The following MOSMO variants were observed in gnomAD, a reference collection of about 807,000 sequenced individuals.
MOSMO encodes modulator of smoothened protein.
A neutral mutation model predicts 18.4 loss-of-function variants in MOSMO; 5 were observed. That is an observed-to-expected ratio of 0.27 (90% CI 0.14 to 0.57). MOSMO has a LOEUF of 0.57. Ranked by LOEUF, MOSMO falls within the 20% of genes least tolerant of loss-of-function variation. The pLI, the probability that MOSMO is intolerant of heterozygous loss-of-function variation, is 0.92. For synonymous variants in MOSMO, 82 were observed against 82.3 expected, an observed-to-expected ratio of 1.00 and a Z score of 0.02; for missense variants, 138 against 211.8, an observed-to-expected ratio of 0.65 and a Z score of 2.16.
intron 1 of MOSMO, among the ~76,000 whole-genome samples, chr16:22,047,851 C>A (rs1178887482): frequency 6.6e-6 from 1 of 152,028 alleles, no homozygotes; most frequent in Non-Finnish European, 1.5e-5. Flanking sequence ...AGAGCTCAGA[C>A]TGATTTACAT....
intron 1 of MOSMO, among the ~76,000 whole-genome samples, chr16:22,062,904 G>A (rs1009268882): frequency 2.0e-5 from 3 of 152,166 alleles, no homozygotes; most frequent in African/African-American, 7.2e-5. Context: ...CCAGGCTGGG[G>A]TGCCATGACG....
At chr16:22,052,893 C>T (rs905677512) in intron 1 of MOSMO, among the ~76,000 whole-genome samples, 2 of 150,194 alleles carry the variant, frequency 1.3e-5, no homozygotes, top group South Asian at 2.1e-4. Context: ...GGAGAGAAAA[C>T]GAGATTAGAG....
chr16:22,062,647 G>A (rs907935096), intron 1 of MOSMO, among the ~76,000 whole-genome samples: 1 of 152,100 alleles, frequency 6.6e-6, no homozygotes, highest in South Asian at 2.1e-4. Context: ...AAAGTATATC[G>A]ACATAGCAAC....
intron 1 of MOSMO, among the ~76,000 whole-genome samples, chr16:22,009,936 A>G (rs2141974824): frequency 6.6e-6 from 1 of 150,864 alleles, no homozygotes; most frequent in East Asian, 2.0e-4. Context: ...GGTTGCAGTG[A>G]GCTGAGATTG....
downstream of MOSMO, among the ~76,000 whole-genome samples, chr16:22,088,374 A>G (rs1954667622): frequency 6.6e-6 from 1 of 152,152 alleles, no homozygotes; most frequent in Non-Finnish European, 1.5e-5. Flanking sequence ...GAGCTTCCTC[A>G]TTTTAAATGC....
chr16:22,080,305 A>G (rs1490767123), intron 2 of MOSMO, among the ~76,000 whole-genome samples: 1 of 152,098 alleles, frequency 6.6e-6, no homozygotes. Flanking sequence ...CCCCATTTTC[A>G]GAAGGGAACC....
chr16:22,032,195 T>C (rs1178219825), intron 1 of MOSMO, among the ~76,000 whole-genome samples: 1 of 150,564 alleles, frequency 6.6e-6, no homozygotes, highest in South Asian at 2.1e-4. Flanking sequence ...TTTCTTTTTT[T>C]TTTTTTTTTT....
intron 1 of MOSMO, among the ~76,000 whole-genome samples, chr16:22,060,496 T>C (rs2141758416): frequency 6.6e-6 from 1 of 152,350 alleles, no homozygotes; most frequent in African/African-American, 2.4e-5. Flanking sequence ...TTAGAATGGC[T>C]AAAACTAGAA....
chr16:22,072,539 C>T (rs1045897180), intron 1 of MOSMO, among the ~76,000 whole-genome samples: 1 of 152,168 alleles, frequency 6.6e-6, no homozygotes, highest in Non-Finnish European at 1.5e-5. Context: ...TGGCTGGGTG[C>T]GGTGGCTCAC....
intron 1 of MOSMO, among the ~76,000 whole-genome samples, chr16:22,009,913 C>T (rs1899488076): frequency 6.6e-6 from 1 of 150,582 alleles, no homozygotes. Flanking sequence ...ATCGCTTGAA[C>T]CCGGGAGGCA....
downstream of MOSMO, chr16:22,092,508 C>G: frequency 8.3e-7 from 1 of 1,199,458 alleles, no homozygotes; most frequent in Non-Finnish European, 1.2e-6. Context: ...TGGAGACCAG[C>G]TAACACATTC....
At chr16:22,010,633 G>A (rs558191417) in intron 1 of MOSMO, among the ~76,000 whole-genome samples, 1 of 152,218 alleles carries the variant, frequency 6.6e-6, no homozygotes, top group African/African-American at 2.4e-5. Context: ...ATGGAAAAGG[G>A]CATAGCCGGG....
At chr16:22,084,736 A>T (rs1255243067), downstream of MOSMO, 1 of 152,126 alleles carries the variant, frequency 6.6e-6, no homozygotes, top group East Asian at 1.9e-4. Flanking sequence ...TGCCACTTCC[A>T]TGCCTCTTGG....
At chr16:22,030,532 A>C (rs1899972262) in intron 1 of MOSMO, among the ~76,000 whole-genome samples, 1 of 152,112 alleles carries the variant, frequency 6.6e-6, no homozygotes, top group Non-Finnish European at 1.5e-5. Flanking sequence ...ACTCATTTTT[A>C]ACTATTCCTC....
rs749353520 is a variant in MOSMO at position 22,075,615 on chromosome 16, T to C, written c.235T>C (p.Leu79=). The change falls in exon 2 of 3, where the codon TTG becomes CTG. Residue 79 remains leucine, a synonymous_variant. Coordinates refer to ENST00000542527, the MANE Select transcript of MOSMO (RefSeq NM_001164579.2). Reference sequence around the variant, plus strand: ...TTTTATCATCATGGGAATCATTTCATTGACTGTCACATGTGGTTTGCTGGT... The same window carrying C: ...TTTTATCATCATGGGAATCATTTCACTGACTGTCACATGTGGTTTGCTGGT... ...LFFIIMGIIS[L]TVTCGLLVAS... 2.3e-5 allele frequency: 36 copies of C among 1,537,268 alleles called. No homozygotes were observed. Among genetic ancestry groups the C allele is most frequent in the Non-Finnish European group, 3.1e-5 (36 of 1,146,932 alleles).
chr16:22,037,094 G>T (rs1296587934), intron 1 of MOSMO, among the ~76,000 whole-genome samples: 1 of 152,134 alleles, frequency 6.6e-6, no homozygotes, highest in African/African-American at 2.4e-5. Flanking sequence ...TAAGGATGCT[G>T]AGAAAAAGCT....
At chr16:22,054,788 G>C (rs1210557844) in intron 1 of MOSMO, among the ~76,000 whole-genome samples, 2 of 152,114 alleles carry the variant, frequency 1.3e-5, no homozygotes, top group African/African-American at 4.8e-5. Context: ...TTTAGAAAGA[G>C]AATCTACTAA....
chr16:22,069,554 C>A (rs1239971929), intron 1 of MOSMO, among the ~76,000 whole-genome samples: 1 of 152,162 alleles, frequency 6.6e-6, no homozygotes, highest in Non-Finnish European at 1.5e-5. Context: ...AGGGAGTTAC[C>A]AAAACCAAAG....
chr16:22,031,461 C>T (rs1168754381), intron 1 of MOSMO, among the ~76,000 whole-genome samples: 3 of 152,196 alleles, frequency 2.0e-5, no homozygotes, highest in Non-Finnish European at 2.9e-5. Context: ...ATCATCACCA[C>T]AGTTGATTTT....
Sources: gnomAD v4.1 joint callset for allele counts (sites outside exome capture counted in the v4.1 genomes callset) on GRCh38, gnomAD v4.1.1 for gene constraint, MANE v1.5 for transcripts, NCBI Gene and HGNC (gene_info 2026-07-23, HGNC 2026-07-21) for gene names.